The following MYO3B variants were observed in gnomAD, a reference collection of about 807,000 sequenced individuals.
MYO3B encodes the protein myosin-IIIb.
Under a neutral mutation model 174.6 loss-of-function variants are expected in MYO3B, and 156 were observed. The observed-to-expected ratio is 0.89, with a 90% CI of 0.78 to 1.02. The LOEUF (loss-of-function observed/expected upper bound fraction) is 1.02, where lower values mean the gene tolerates loss of function less well. Ranked by LOEUF, MYO3B falls within the 50% of genes least tolerant of loss-of-function variation. The probability of loss-of-function intolerance (pLI) is 0.00; values close to 1 mark genes in which losing one functional copy is unlikely to be tolerated. For missense variants in MYO3B, 1,632 were observed against 1,639.4 expected, an observed-to-expected ratio of 1.00 and a Z score of 0.08; for synonymous variants, 563 against 569.1, an observed-to-expected ratio of 0.99 and a Z score of 0.15.
chr2:170,188,346 CA>C (rs1176438817), intron 1 of MYO3B, among the ~76,000 whole-genome samples: 23 of 152,030 alleles, frequency 1.5e-4, no homozygotes, highest in African/African-American at 5.3e-4. Flanking sequence ...TAGTTATATT[CA>C]GTCCGTGTGT....
At chr2:170,209,614 CTT>C (rs1277188397) in intron 3 of MYO3B, among the ~76,000 whole-genome samples, 1 of 152,096 alleles carries the variant, frequency 6.6e-6, no homozygotes, top group African/African-American at 2.4e-5. Flanking sequence ...TATAAACTAT[CTT>C]TTGAAAAGGA....
chr2:170,526,676 T>C (rs949227544), intron 30 of MYO3B, among the ~76,000 whole-genome samples: 1 of 152,212 alleles, frequency 6.6e-6, no homozygotes, highest in Non-Finnish European at 1.5e-5. Context: ...ACTTTCTAGA[T>C]TTTTAAAATA....
chr2:170,616,993 T>A (rs1183194382), intron 32 of MYO3B, among the ~76,000 whole-genome samples: 1 of 152,226 alleles, frequency 6.6e-6, no homozygotes, highest in Non-Finnish European at 1.5e-5. Context: ...TCTAAACTCA[T>A]AATTCTACCT....
At chr2:170,393,273 G>A (rs1444225694) in intron 16 of MYO3B, among the ~76,000 whole-genome samples, 3 of 151,532 alleles carry the variant, frequency 2.0e-5, no homozygotes, top group South Asian at 2.1e-4. Flanking sequence ...TAGTAGAGAC[G>A]GGGTTTCACC....
At chr2:170,300,372 T>C (rs1362869211) in intron 7 of MYO3B, among the ~76,000 whole-genome samples, 1 of 152,222 alleles carries the variant, frequency 6.6e-6, no homozygotes, top group Non-Finnish European at 1.5e-5. Context: ...AAGGCCTATA[T>C]GCAAATTATG....
At chr2:170,594,129 C>T (rs760761940) in intron 32 of MYO3B, among the ~76,000 whole-genome samples, 5 of 152,084 alleles carry the variant, frequency 3.3e-5, no homozygotes, top group Admixed American at 6.6e-5. Context: ...CTCATCTATC[C>T]GAATCAACTA....
chr2:170,634,079 C>T (rs1468316465), intron 32 of MYO3B, among the ~76,000 whole-genome samples: 1 of 152,160 alleles, frequency 6.6e-6, no homozygotes, highest in African/African-American at 2.4e-5. Context: ...CCCCATCAAG[C>T]TACCAATGAC....
At chr2:170,480,252 G>T (rs944437258) in intron 25 of MYO3B, among the ~76,000 whole-genome samples, 6 of 152,210 alleles carry the variant, frequency 3.9e-5, no homozygotes, top group Admixed American at 1.3e-4. Context: ...TCCCCTTTCT[G>T]ATTGTGGGTC....
intron 7 of MYO3B, among the ~76,000 whole-genome samples, chr2:170,327,807 C>A (rs1036204447): frequency 5.3e-5 from 8 of 150,464 alleles, no homozygotes; most frequent in Non-Finnish European, 7.4e-5. Context: ...ATTATAAATG[C>A]CTCCAACTAT....
intron 30 of MYO3B, among the ~76,000 whole-genome samples, chr2:170,530,632 C>G (rs976783900): frequency 6.6e-6 from 1 of 152,194 alleles, no homozygotes; most frequent in African/African-American, 2.4e-5. Context: ...GATTTACTGA[C>G]TGGCAGGAAG....
intron 8 of MYO3B, among the ~76,000 whole-genome samples, chr2:170,362,329 C>A (rs1324617856): frequency 6.6e-6 from 1 of 152,156 alleles, no homozygotes; most frequent in African/African-American, 2.4e-5. Flanking sequence ...CTTCCCTTTC[C>A]ATTTCCGTCC....
rs1688146401 is a variant in MYO3B at position 170,514,124 on chromosome 2, G to C, written c.3371-797G>C. Among the ~76,000 whole-genome samples the C allele has an allele frequency of 2.0e-5, 3 of 152,196 alleles. No individual in the cohort carries two copies. In the South Asian group the frequency reaches 6.2e-4, roughly 32 times the overall value. ...CTCCGTGAGGAGGGGCAGTCCTGCT[G>C]CCAGTGTAGTTTCTGTCTAAAGTCA... On this transcript the variant is annotated intron_variant, in intron 28 of 34. Coordinates refer to ENST00000408978, the MANE Select transcript of MYO3B (RefSeq NM_138995.5).
intron 32 of MYO3B, among the ~76,000 whole-genome samples, chr2:170,562,582 G>A (rs1020729221): frequency 6.6e-6 from 1 of 152,156 alleles, no homozygotes; most frequent in Non-Finnish European, 1.5e-5. Context: ...CTAAAGATGA[G>A]TAAGTTGAGT....
intron 7 of MYO3B, among the ~76,000 whole-genome samples, chr2:170,276,068 T>C (rs1304490395): frequency 6.6e-6 from 1 of 152,210 alleles, no homozygotes; most frequent in Non-Finnish European, 1.5e-5. Flanking sequence ...GAAGCAATCA[T>C]TCGTAGATTA....
At chr2:170,515,955 A>G (rs1277520717) in intron 29 of MYO3B, among the ~76,000 whole-genome samples, 1 of 152,088 alleles carries the variant, frequency 6.6e-6, no homozygotes, top group Non-Finnish European at 1.5e-5. Context: ...AGACTTGGGG[A>G]TGGAGACAAT....
At chr2:170,205,929 A>C (rs1447065674) in intron 3 of MYO3B, among the ~76,000 whole-genome samples, 1 of 152,096 alleles carries the variant, frequency 6.6e-6, no homozygotes, top group African/African-American at 2.4e-5. Flanking sequence ...GGTATATATT[A>C]TATGCGTAGT....
At chr2:170,439,367 A>G (rs1162191586) in intron 22 of MYO3B, among the ~76,000 whole-genome samples, 1 of 150,794 alleles carries the variant, frequency 6.6e-6, no homozygotes, top group Non-Finnish European at 1.5e-5. Context: ...GAAAGACTCC[A>G]TCTCAAAAAT....
Position 170,402,830 on chromosome 2 carries a change from T to A in MYO3B, c.2130-18T>A. The A allele has an allele frequency of 6.3e-7, 1 of 1,587,178 alleles. No homozygotes were observed. The highest frequency in any genetic ancestry group is 1.1e-5 in the South Asian group (1 of 88,138). On this transcript the variant is annotated intron_variant, in intron 18 of 34. Transcript: ENST00000408978. ...GTGTTTCCTCCCCTAAAGAGTTTTG[T>A]TCTTCTCTCTCATGCAGTAGTGCAG...
At chr2:170,197,316 A>G (rs2092612059) in intron 1 of MYO3B, among the ~76,000 whole-genome samples, 1 of 152,190 alleles carries the variant, frequency 6.6e-6, no homozygotes. Flanking sequence ...CTGCAATGCC[A>G]TGAATTGATT....
Sources: allele counts gnomAD v4.1 joint callset (sites outside exome capture counted in the v4.1 genomes callset), GRCh38; gene constraint gnomAD v4.1.1; transcripts MANE v1.5; gene names NCBI Gene and HGNC (gene_info 2026-07-23, HGNC 2026-07-21).